Variants in EIF4ENIF1 observed in about 807,000 individuals in gnomAD.
EIF4ENIF1 encodes eukaryotic translation initiation factor 4E nuclear import factor 1, also known as eukaryotic translation initiation factor 4E transporter.
EIF4ENIF1 carries 23 observed loss-of-function variants against 110.5 expected under a neutral mutation model. The ratio of observed to expected loss-of-function variants is 0.21; its 90% CI spans 0.15 to 0.29. The LOEUF is 0.29. EIF4ENIF1 is among the 10% of genes least tolerant of loss of function. The pLI, the probability that EIF4ENIF1 is intolerant of heterozygous loss-of-function variation, is 1.00. For missense variants in EIF4ENIF1, 1,031 were observed against 1,221.1 expected, an observed-to-expected ratio of 0.84 and a Z score of 2.32; for synonymous variants, 440 against 437.0, an observed-to-expected ratio of 1.01 and a Z score of -0.09.
chr22:31,461,954 C>T lies in EIF4ENIF1; in HGVS notation c.787+978G>A, dbSNP rs1018378519. 1.2e-4 allele frequency among the ~76,000 whole-genome samples: 18 copies of T among 152,112 alleles called. 1 individual carries two copies. Among genetic ancestry groups the T allele is most frequent in the Admixed American group, 1.1e-3 (17 of 15,272 alleles). On this transcript the variant is annotated intron_variant, in intron 6 of 18. Coordinates refer to ENST00000330125, the MANE Select transcript of EIF4ENIF1 (RefSeq NM_019843.4). Reference sequence around the variant, plus strand: ...TGGGCATAAAAAAGTACCTACACTGCACAAGGTCATTAGGAGATGAAGGAT... The same window carrying T: ...TGGGCATAAAAAAGTACCTACACTGTACAAGGTCATTAGGAGATGAAGGAT...
At chr22:31,479,812 G>A (rs1224668234) in intron 2 of EIF4ENIF1, among the ~76,000 whole-genome samples, 1 of 150,388 alleles carries the variant, frequency 6.6e-6, no homozygotes, top group Admixed American at 6.7e-5. Flanking sequence ...ATGGACTCAA[G>A]TGATCTTTCT....
chr22:31,472,982 C>T (rs997404600), intron 2 of EIF4ENIF1, among the ~76,000 whole-genome samples: 1 of 152,060 alleles, frequency 6.6e-6, no homozygotes, highest in Non-Finnish European at 1.5e-5. Flanking sequence ...CACCCACACA[C>T]CTTTCCCAGA....
intron 17 of EIF4ENIF1, among the ~76,000 whole-genome samples, chr22:31,441,239 C>T (rs959616135): frequency 4.7e-5 from 7 of 148,520 alleles, no homozygotes; most frequent in East Asian, 2.0e-4. Context: ...GGCGACAGAG[C>T]GAGACTCAAA....
chr22:31,443,271 G>A, intron 15 of EIF4ENIF1, 177 bp from the exon 16 acceptor site: 1 of 804,906 alleles, frequency 1.2e-6, no homozygotes, highest in Non-Finnish European at 1.9e-6. Flanking sequence ...AATAGGCAGT[G>A]TCCCAAGTAC....
chr22:31,472,991 G>C (rs1022590960), intron 2 of EIF4ENIF1, among the ~76,000 whole-genome samples: 6 of 150,756 alleles, frequency 4.0e-5, no homozygotes, highest in African/African-American at 1.5e-4. Flanking sequence ...ACCTTTCCCA[G>C]ACTCTGGTAT....
chr22:31,439,646 G>A lies in EIF4ENIF1; in HGVS notation c.*234C>T. ...ATTCACATATCTTACAAAAAAGAAA[G>A]ACCATTTCCAGGATTGACAACATTG... On this transcript the variant is annotated 3_prime_UTR_variant, in exon 19 of 19. Transcript: ENST00000330125. 3.5e-6 allele frequency: 2 copies of A among 577,836 alleles called. No individual in the cohort carries two copies. The highest frequency in any genetic ancestry group is 5.8e-6 in the Non-Finnish European group (2 of 343,286). 35.8% of individuals were successfully genotyped at this position (577,836 alleles called of 1,614,324 possible).
chr22:31,450,843 C>CACACACACACACACACACA (rs1569073447), intron 10 of EIF4ENIF1: 1 of 96,858 alleles, frequency 1.0e-5, no homozygotes, highest in African/African-American at 4.1e-5. Context: ...TATATATATA[C>CACACACACACACACACACA]TACACACACA....
intron 2 of EIF4ENIF1, among the ~76,000 whole-genome samples, chr22:31,478,025 C>T (rs1684112984): frequency 6.6e-6 from 1 of 152,174 alleles, no homozygotes; most frequent in Non-Finnish European, 1.5e-5. Context: ...AAAATTATTG[C>T]TTCCAACTGA....
chr22:31,455,133 T>TA lies in EIF4ENIF1; in HGVS notation c.1279+2dup, dbSNP rs761027764. 6.2e-7 allele frequency: 1 copy of TA among 1,608,724 alleles called. No individual in the cohort carries two copies. Among genetic ancestry groups the TA allele is most frequent in the South Asian group, 1.1e-5 (1 of 90,062 alleles). ...TCTAAAACAGATATTCATAAACACT[T>TA]ACAGCTTTCTTTAAGTTTTTCTTTA... On this transcript the variant is annotated splice_region_variant and intron_variant, in intron 9 of 18. Coordinates refer to ENST00000330125, the MANE Select transcript of EIF4ENIF1 (RefSeq NM_019843.4).
chr22:31,452,399 C>T (rs946561542), intron 10 of EIF4ENIF1, among the ~76,000 whole-genome samples: 3 of 152,276 alleles, frequency 2.0e-5, no homozygotes, highest in South Asian at 4.1e-4. Context: ...GTCATCCATC[C>T]GTTTGGCAGG....
At chr22:31,471,374 G>A (rs1170112487) in intron 3 of EIF4ENIF1, among the ~76,000 whole-genome samples, 1 of 151,140 alleles carries the variant, frequency 6.6e-6, no homozygotes, top group Non-Finnish European at 1.5e-5. Flanking sequence ...GAGTGCAGTA[G>A]TGCGATCTCA....
Position 31,449,498 on chromosome 22 carries a change from A to C in EIF4ENIF1, c.1618T>G (p.Ser540Ala). 1.2e-6 allele frequency: 2 copies of C among 1,614,064 alleles called. No homozygotes were observed. The highest frequency in any genetic ancestry group is 1.3e-5 in the African/African-American group (1 of 75,024). Reference protein sequence around the residue: ...LLGQPVQRPASSNLLSGLMGS... With the variant: ...LLGQPVQRPAASNLLSGLMGS... ...ATAAGGCCACTCAGAAGATTGGAAG[A>C]AGCAGGTCTCTGAACTGGTTGACCC... is the stretch of plus-strand genomic sequence containing the variant. Residue 540 changes from serine (S) to alanine (A), a missense_variant, in exon 12 of 19, where the codon TCT (serine) becomes GCT (alanine). Around this residue, in one of 3 missense-constraint regions of EIF4ENIF1, gnomAD observed 704 missense variants for 879.7 expected, o/e 0.80. Coordinates refer to ENST00000330125, the MANE Select transcript of EIF4ENIF1 (RefSeq NM_019843.4).
chr22:31,450,404 C>A, intron 10 of EIF4ENIF1, 44 bp from the exon 11 acceptor site: 3 of 1,504,244 alleles, frequency 2.0e-6, no homozygotes, highest in Non-Finnish European at 2.8e-6. Flanking sequence ...TCTTAACTCA[C>A]TTAACTTACA....
At chr22:31,441,002 TC>T in intron 17 of EIF4ENIF1, 134 bp from the exon 18 acceptor site, 1 of 1,234,648 alleles carries the variant, frequency 8.1e-7, no homozygotes, top group Non-Finnish European at 1.1e-6. Context: ...ACGCCTGTAA[TC>T]CCCAGCACTT....
intron 7 of EIF4ENIF1, among the ~76,000 whole-genome samples, chr22:31,457,257 TTAAA>T (rs1314316610): frequency 6.6e-6 from 1 of 152,182 alleles, no homozygotes; most frequent in Non-Finnish European, 1.5e-5. Context: ...ATAAGGACAA[TTAAA>T]TAACACACTA....
At chr22:31,438,323 C>T (rs1047958109), downstream of EIF4ENIF1, among the ~76,000 whole-genome samples, 5 of 152,194 alleles carry the variant, frequency 3.3e-5, no homozygotes, top group Admixed American at 6.5e-5. Context: ...AATCTTTATC[C>T]GTAAGTGCTA....
rs1200504169 is a variant in EIF4ENIF1 at position 31,439,711 on chromosome 22, G to C, written c.*169C>G. 9 of 911,384 alleles carry C rather than the reference G, an allele frequency of 9.9e-6. No individual in the cohort carries two copies. The highest frequency in any genetic ancestry group is 1.4e-5 in the Non-Finnish European group (9 of 621,552). The allele number at this position is 911,384 out of a possible 1,614,324, so 56.5% of individuals were successfully genotyped here. A position where few individuals can be genotyped will look rare whatever the true frequency, so the allele number is the denominator to read the frequency against. On this transcript the variant is annotated 3_prime_UTR_variant, in exon 19 of 19. Transcript: ENST00000330125. Reference sequence around the variant, plus strand: ...AGACAATGTACACTCCACTCGACTGGTTAAGATCCTTCCATCATAATGCGG... The same window carrying C: ...AGACAATGTACACTCCACTCGACTGCTTAAGATCCTTCCATCATAATGCGG...
intron 2 of EIF4ENIF1, among the ~76,000 whole-genome samples, chr22:31,485,662 G>C (rs2051988890): frequency 6.7e-6 from 1 of 149,854 alleles, no homozygotes; most frequent in South Asian, 2.1e-4. Context: ...AAATTAGCCA[G>C]GCATGGTGGT....
chr22:31,482,440 G>C (rs1179064928), intron 2 of EIF4ENIF1, among the ~76,000 whole-genome samples: 1 of 150,904 alleles, frequency 6.6e-6, no homozygotes, highest in Admixed American at 6.6e-5. Context: ...CCAGCACTTT[G>C]GCAGGCCACG....
Sources: allele counts gnomAD v4.1 joint callset (sites outside exome capture counted in the v4.1 genomes callset), GRCh38; gene constraint gnomAD v4.1.1; regional missense constraint gnomAD v4.1.1; transcripts MANE v1.5; gene names NCBI Gene and HGNC (gene_info 2026-07-23, HGNC 2026-07-21).